SOX5: variants seen among roughly 807,000 people sequenced by gnomAD.
The protein encoded by SOX5 is SRY-box transcription factor 5, also known as transcription factor SOX-5.
A neutral mutation model predicts 92.0 loss-of-function variants in SOX5; 9 were observed. The observed-to-expected ratio is 0.10, with a 90% CI of 0.06 to 0.17. The LOEUF (loss-of-function observed/expected upper bound fraction) is 0.17, where lower values mean the gene tolerates loss of function less well. Ranked by LOEUF, SOX5 falls within the 10% of genes least tolerant of loss-of-function variation. The pLI is 1.00. For missense variants in SOX5, 642 were observed against 944.5 expected, an observed-to-expected ratio of 0.68 and a Z score of 4.20; for synonymous variants, 344 against 336.3, an observed-to-expected ratio of 1.02 and a Z score of -0.25.
intron 4 of SOX5, among the ~76,000 whole-genome samples, chr12:24,166,744 C>A (rs1953458217): frequency 6.6e-6 from 1 of 152,200 alleles, no homozygotes; most frequent in Non-Finnish European, 1.5e-5. Flanking sequence ...CTAATTCATT[C>A]ATTTTAACGA....
chr12:24,385,310 CTT>C (rs1958266111), intron 1 of SOX5, among the ~76,000 whole-genome samples: 2 of 152,146 alleles, frequency 1.3e-5, no homozygotes, highest in Admixed American at 1.3e-4. Flanking sequence ...ACAACATAGG[CTT>C]TGTGTTAGAT....
intron 4 of SOX5, among the ~76,000 whole-genome samples, chr12:23,982,252 C>G (rs1054386326): frequency 6.6e-6 from 1 of 152,180 alleles, no homozygotes; most frequent in African/African-American, 2.4e-5. Flanking sequence ...TTCTCTGCTT[C>G]AGAATTTTCA....
intron 9 of SOX5, 108 bp from the exon 10 acceptor site, chr12:23,575,946 T>G: frequency 1.3e-6 from 1 of 775,192 alleles, no homozygotes; most frequent in Non-Finnish European, 2.0e-6. Context: ...ACTCTACCAA[T>G]CAGTGATCTT....
At chr12:24,361,130 C>A (rs77750414) in intron 2 of SOX5, among the ~76,000 whole-genome samples, 199 of 152,248 alleles carry the variant, frequency 1.3e-3, no homozygotes, top group African/African-American at 4.7e-3. Flanking sequence ...ATATTCCATG[C>A]AGTTTTGACT....
intron 6 of SOX5, among the ~76,000 whole-genome samples, chr12:23,733,360 T>C (rs775765828): frequency 1.3e-5 from 2 of 152,184 alleles, no homozygotes; most frequent in Non-Finnish European, 2.9e-5. Flanking sequence ...TACCATCGAC[T>C]AAAAAGTCAG....
intron 4 of SOX5, among the ~76,000 whole-genome samples, chr12:24,182,086 G>A (rs1955554744): frequency 6.6e-6 from 1 of 152,072 alleles, no homozygotes; most frequent in Admixed American, 6.6e-5. Context: ...AATCTTCTTT[G>A]AATATGGTCC....
intron 1 of SOX5, among the ~76,000 whole-genome samples, chr12:24,418,602 G>A (rs769954370): frequency 3.9e-5 from 6 of 152,158 alleles, no homozygotes; most frequent in African/African-American, 7.2e-5. Flanking sequence ...ATATACAGAG[G>A]AGAACAGAAA....
chr12:24,450,544 G>A (rs1250566984), intron 1 of SOX5, among the ~76,000 whole-genome samples: 2 of 151,674 alleles, frequency 1.3e-5, no homozygotes, highest in Admixed American at 6.6e-5. Flanking sequence ...ACTCAGGCTG[G>A]AATGCAGTGG....
intron 4 of SOX5, among the ~76,000 whole-genome samples, chr12:24,148,024 C>A (rs10083211): frequency 0.61 from 93,040 of 151,986 alleles, 29,311 homozygotes; most frequent in African/African-American, 0.66. Flanking sequence ...CCAATAAAAA[C>A]TCCTAGAGTT....
At chr12:24,281,694 C>G (rs1231930720) in intron 2 of SOX5, among the ~76,000 whole-genome samples, 1 of 152,202 alleles carries the variant, frequency 6.6e-6, no homozygotes, top group Non-Finnish European at 1.5e-5. Flanking sequence ...ATAAGCAATG[C>G]AAATGCAAAG....
intron 3 of SOX5, among the ~76,000 whole-genome samples, chr12:23,784,548 G>T (rs867782070): frequency 6.6e-6 from 1 of 152,078 alleles, no homozygotes; most frequent in African/African-American, 2.4e-5. Context: ...GGATGGTCTC[G>T]ATCTCTTGAC....
chr12:23,729,539 T>C (rs1048775678), intron 6 of SOX5, among the ~76,000 whole-genome samples: 3 of 152,242 alleles, frequency 2.0e-5, no homozygotes, highest in African/African-American at 2.4e-5. Context: ...ACAGAATCAG[T>C]GACCCAAAGG....
At chr12:23,579,929 A>G (rs1038555407) in intron 9 of SOX5, among the ~76,000 whole-genome samples, 13 of 152,112 alleles carry the variant, frequency 8.5e-5, no homozygotes, top group Non-Finnish European at 1.0e-4. Context: ...GAGGTTGCCA[A>G]TTGGAACTTT....
intron 2 of SOX5, among the ~76,000 whole-genome samples, chr12:24,313,711 C>T (rs570637258): frequency 3.3e-5 from 5 of 152,274 alleles, no homozygotes; most frequent in East Asian, 3.9e-4. Flanking sequence ...GTTTAGCCCT[C>T]GTATTCATAT....
chr12:24,189,129 C>G (rs1432858681), intron 4 of SOX5, among the ~76,000 whole-genome samples: 1 of 152,128 alleles, frequency 6.6e-6, no homozygotes, highest in Non-Finnish European at 1.5e-5. Context: ...TTATTAGAAA[C>G]TTCCTCAGTA....
chr12:23,636,979 G>A (rs774039437), intron 8 of SOX5, among the ~76,000 whole-genome samples: 7 of 151,972 alleles, frequency 4.6e-5, no homozygotes, highest in East Asian at 1.9e-4. Context: ...GATAATCCTC[G>A]GAAAATCTTT....
intron 1 of SOX5, among the ~76,000 whole-genome samples, chr12:24,502,443 A>C (rs1948306054): frequency 6.6e-6 from 1 of 152,232 alleles, no homozygotes; most frequent in Non-Finnish European, 1.5e-5. Context: ...CTAAATATTC[A>C]TGAATCTACA....
intron 7 of SOX5, among the ~76,000 whole-genome samples, chr12:23,643,128 G>GGATGGT (rs2080338044): frequency 6.6e-6 from 1 of 151,340 alleles, no homozygotes; most frequent in Non-Finnish European, 1.5e-5. Flanking sequence ...GGTCAGACTA[G>GGATGGT]GATGGTGACA....
At chr12:23,695,803 C>T (rs1403809332) in intron 6 of SOX5, among the ~76,000 whole-genome samples, 2 of 151,240 alleles carry the variant, frequency 1.3e-5, no homozygotes, top group African/African-American at 2.4e-5. Flanking sequence ...TAGCTGGGCC[C>T]GGTGGCGGGC....
Sources: allele counts gnomAD v4.1 joint callset (sites outside exome capture counted in the v4.1 genomes callset), GRCh38; gene constraint gnomAD v4.1.1; transcripts MANE v1.5; gene names NCBI Gene and HGNC (gene_info 2026-07-23, HGNC 2026-07-21).